The following ROBO2 variants were observed in gnomAD, a reference collection of about 807,000 sequenced individuals.
The protein encoded by ROBO2 is roundabout homolog 2.
ROBO2 carries 53 observed loss-of-function variants against 160.8 expected under a neutral mutation model. The ratio of observed to expected loss-of-function variants is 0.33; its 90% confidence interval spans 0.26 to 0.41. The LOEUF (loss-of-function observed/expected upper bound fraction) is 0.41. Ranked by LOEUF, ROBO2 falls within the 10% of genes least tolerant of loss-of-function variation. ROBO2 has a pLI of 1.00. For missense variants in ROBO2, 1,577 were observed against 1,722.4 expected (o/e 0.92, Z 1.49); for synonymous variants, 664 against 611.7 (o/e 1.09, Z -1.26).
chr3:76,085,351 C>T (rs2068976437), intron 2 of ROBO2, among the ~76,000 whole-genome samples: 1 of 152,012 alleles, frequency 6.6e-6, no homozygotes, highest in Non-Finnish European at 1.5e-5. Context: ...ACCTGATTTA[C>T]AAAAGCTAAT....
intron 2 of ROBO2, among the ~76,000 whole-genome samples, chr3:77,174,775 A>G (rs1361057155): frequency 6.6e-6 from 1 of 152,018 alleles, no homozygotes; most frequent in Admixed American, 6.6e-5. Context: ...CTTACAATAT[A>G]AGCATACCCA....
At chr3:77,094,843 G>A (rs540762410) in intron 1 of ROBO2, among the ~76,000 whole-genome samples, 1 of 152,084 alleles carries the variant, frequency 6.6e-6, no homozygotes, top group Admixed American at 6.5e-5. Flanking sequence ...TGTCAAATTT[G>A]TTTAACTACT....
intron 2 of ROBO2, among the ~76,000 whole-genome samples, chr3:76,709,515 C>G (rs1576146567): frequency 6.6e-6 from 1 of 152,154 alleles, no homozygotes; most frequent in Non-Finnish European, 1.5e-5. Context: ...TGTCACATAT[C>G]AACACATACC....
At chr3:77,492,040 C>T in intron 4 of ROBO2, among the ~76,000 whole-genome samples, 1 of 152,060 alleles carries the variant, frequency 6.6e-6, no homozygotes, top group East Asian at 1.9e-4. Flanking sequence ...TTGAAGGTTT[C>T]CTGCCGAATA....
intron 2 of ROBO2, among the ~76,000 whole-genome samples, chr3:77,204,068 G>C (rs1458760993): frequency 6.6e-6 from 1 of 152,182 alleles, no homozygotes; most frequent in Non-Finnish European, 1.5e-5. Context: ...GTGCTTTATA[G>C]TAGAAAGTAA....
At chr3:76,434,596 C>G in intron 2 of ROBO2, 1 of 1,567,532 alleles carries the variant, frequency 6.4e-7, no homozygotes, top group South Asian at 1.1e-5. Context: ...TTAAGGAGTT[C>G]CATACCACTG....
intron 2 of ROBO2, among the ~76,000 whole-genome samples, chr3:76,690,530 C>G (rs1355636861): frequency 1.3e-5 from 2 of 152,058 alleles, no homozygotes; most frequent in Non-Finnish European, 2.9e-5. Context: ...TCTTGAACTT[C>G]CCAGCCCCAG....
In ROBO2 at chr3:77,415,442, G is replaced by A. The variant is rs2077137639; in HGVS notation, c.389-61972G>A. On this transcript the variant is annotated intron_variant, in intron 2 of 25. Coordinates refer to ENST00000461745, the Ensembl canonical transcript of ROBO2. ...ATAATTGAAGGTTGAAAACCATTGT[G>A]TGTCCTCTGCAATAGTCCAGGCTAA... Among the ~76,000 whole-genome samples the A allele has an allele frequency of 1.3e-5, 2 of 152,196 alleles. 1 individual carries two copies. Among genetic ancestry groups the A allele is most frequent in the Admixed American group, 1.3e-4 (2 of 15,284 alleles).
At chr3:77,600,608 T>C (rs2153691540) in intron 19 of ROBO2, among the ~76,000 whole-genome samples, 1 of 152,272 alleles carries the variant, frequency 6.6e-6, no homozygotes, top group South Asian at 2.1e-4. Context: ...AAATTGGAGC[T>C]CAAGTTGGGG....
chr3:76,847,058 C>G (rs1385538929), intron 2 of ROBO2, among the ~76,000 whole-genome samples: 2 of 152,144 alleles, frequency 1.3e-5, no homozygotes, highest in African/African-American at 4.8e-5. Context: ...TTAAACATGT[C>G]AAACACCCAG....
chr3:77,365,967 A>G (rs2070806381), intron 2 of ROBO2, among the ~76,000 whole-genome samples: 1 of 152,162 alleles, frequency 6.6e-6, no homozygotes, highest in Non-Finnish European at 1.5e-5. Flanking sequence ...ATTGCAGAAA[A>G]ATGTTTTTTT....
intron 2 of ROBO2, among the ~76,000 whole-genome samples, chr3:77,128,672 T>C (rs114675116): frequency 0.012 from 1,881 of 152,304 alleles, 59 homozygotes; most frequent in African/African-American, 0.043. Flanking sequence ...TGGTGGACCT[T>C]TCATCCCATG....
chr3:76,913,514 A>G (rs189184310), intron 2 of ROBO2, among the ~76,000 whole-genome samples: 47 of 152,362 alleles, frequency 3.1e-4, no homozygotes, highest in Admixed American at 4.6e-4. Flanking sequence ...TCTTACTACA[A>G]TAAAATCGAG....
intron 2 of ROBO2, among the ~76,000 whole-genome samples, chr3:76,183,664 G>A (rs1003983277): frequency 6.6e-6 from 1 of 151,990 alleles, no homozygotes; most frequent in Non-Finnish European, 1.5e-5. Flanking sequence ...TCTAGTAGGG[G>A]CAAGCAGAAA....
intron 2 of ROBO2, among the ~76,000 whole-genome samples, chr3:75,998,624 TAAAAG>T: frequency 6.6e-6 from 1 of 152,292 alleles, no homozygotes; most frequent in African/African-American, 2.4e-5. Flanking sequence ...ATTTAGAAAA[TAAAAG>T]GTGTTTTCAA....
At chr3:77,410,277 C>T (rs1054555761) in intron 2 of ROBO2, among the ~76,000 whole-genome samples, 1 of 152,036 alleles carries the variant, frequency 6.6e-6, no homozygotes, top group Non-Finnish European at 1.5e-5. Flanking sequence ...GTTTAAATGA[C>T]CTCCCATTAA....
intron 5 of ROBO2, among the ~76,000 whole-genome samples, chr3:77,508,520 A>G (rs2153613775): frequency 6.6e-6 from 1 of 150,720 alleles, no homozygotes; most frequent in South Asian, 2.1e-4. Flanking sequence ...TTCTCAATTT[A>G]GTGAAAACTA....
rs879942294 is a variant in ROBO2, at chr3:76,247,385, T to TA, written c.109+309784dup. Among the ~76,000 whole-genome samples the TA allele has an allele frequency of 3.3e-5, 5 of 152,316 alleles. No individual in the cohort carries two copies. In the East Asian group the frequency reaches 7.7e-4, roughly 23 times the overall value. On this transcript the variant is annotated intron_variant, in intron 2 of 26. Coordinates refer to the ROBO2 transcript ENST00000487694. ...TAAAGTTCATTTTTCACCAAATAAT[T>TA]AGACTGCTATTGAAAACATAAATTA...
intron 2 of ROBO2, among the ~76,000 whole-genome samples, chr3:76,708,490 A>AT (rs1490059734): frequency 6.6e-6 from 1 of 152,214 alleles, no homozygotes; most frequent in Non-Finnish European, 1.5e-5. Flanking sequence ...AATCATCTGA[A>AT]TTATTTGCAT....
Sources: gnomAD v4.1 joint callset for allele counts (sites outside exome capture counted in the v4.1 genomes callset) on GRCh38, gnomAD v4.1.1 for gene constraint, MANE v1.5 for transcripts, NCBI Gene and HGNC (gene_info 2026-07-23, HGNC 2026-07-21) for gene names.